The following CHD4 variants were observed in gnomAD, a reference collection of about 807,000 sequenced individuals.
CHD4 encodes the protein chromodomain helicase DNA binding protein 4.
Under a neutral mutation model 235.5 loss-of-function variants are expected in CHD4, and 35 were observed. That is an observed-to-expected ratio of 0.15 (90% CI 0.11 to 0.20). The LOEUF is 0.20. Among genes scored for constraint, CHD4 ranks in the 10% least tolerant of loss-of-function variants. CHD4 has a pLI of 1.00. For synonymous variants in CHD4, 900 were observed against 850.2 expected (o/e 1.06, Z -1.02); for missense variants, 1,329 against 2,432.3 (o/e 0.55, Z 9.54).
At chr12:6,579,693 G>C (rs1412913096) in intron 33 of CHD4, 1 of 150,316 alleles carries the variant, frequency 6.7e-6, no homozygotes, top group Non-Finnish European at 1.5e-5. Context: ...GGAGGTTGCA[G>C]TGAGCCAAGA....
At chr12:6,578,741 G>A (rs1948117127) in intron 34 of CHD4, 105 bp downstream of exon 34, 1 of 1,377,048 alleles carries the variant, frequency 7.3e-7, no homozygotes, top group African/African-American at 1.4e-5. Context: ...TTTATCTTGG[G>A]ATAAAATGGC....
At chr12:6,577,435 A>C (rs1466872693) in intron 37 of CHD4, among the ~76,000 whole-genome samples, 2 of 151,714 alleles carry the variant, frequency 1.3e-5, no homozygotes, top group Non-Finnish European at 2.9e-5. Context: ...AAAAAAAAAA[A>C]AAAACAACCA....
rs1948185107 is a variant in CHD4 at position 6,581,348 on chromosome 12, T to G, written c.4722A>C (p.Glu1574Asp). ...CCTCCTTTTCTCCTTCTATGCTCTC[T>G]TCTTCTTTGAGGCTATTTTCCTCTA... ...IKIEENSLKE[E>D]ESIEGEKEVK... Residue 1574 changes from glutamate to aspartate, a missense_variant, in exon 32 of 40, where the codon GAA becomes GAC. By Grantham distance (45) the Glu-to-Asp change is conservative (BLOSUM62 2). Coordinates refer to ENST00000544040, the MANE Select transcript of CHD4 (RefSeq NM_001273.5). 1.2e-6 allele frequency: 2 copies of G among 1,614,102 alleles called. No homozygotes were observed. The highest frequency in any genetic ancestry group is 2.7e-5 in the African/African-American group (2 of 74,938).
chr12:6,594,314 G>A, intron 15 of CHD4, 145 bp downstream of exon 15: 1 of 651,452 alleles, frequency 1.5e-6, no homozygotes, highest in South Asian at 2.0e-5. Context: ...CTAAACACAT[G>A]TGTACATGTG....
rs1948214610 is a variant in CHD4, at chr12:6,582,617, G to C, written c.4368C>G (p.Phe1456Leu). 1 of 1,610,428 alleles carries C rather than the reference G, an allele frequency of 6.2e-7. No homozygotes were observed. Among genetic ancestry groups the C allele is most frequent in the Non-Finnish European group, 8.5e-7 (1 of 1,177,922 alleles). The change falls in exon 29 of 40, where the codon TTC (phenylalanine) becomes TTG (leucine). Residue 1456 changes from phenylalanine to leucine, a missense_variant and splice_region_variant. This residue lies in a region of CHD4 where 48 missense variants were observed against 109.6 expected (regional missense o/e 0.44). Coordinates refer to ENST00000544040, the MANE Select transcript of CHD4 (RefSeq NM_001273.5). ...GTCCACTCCAGCCCTCAACTCACTT[G>C]AACTCTTTCTCTGATTTGCCTCGCA... is the stretch of plus-strand genomic sequence containing the variant. ...RDLRGKSEKE[F>L]KAYVSLFMRH...
At position 6,583,303 on chromosome 12, in the gene CHD4, G is replaced by A. The variant is rs1179022334; in HGVS notation, c.3955C>T (p.Arg1319Trp). 2 of 1,613,688 alleles carry A rather than the reference G, an allele frequency of 1.2e-6. No homozygotes were observed. Among genetic ancestry groups the A allele is most frequent in the Non-Finnish European group, 1.7e-6 (2 of 1,179,888 alleles). ...VDPDYWEKLL[R>W]HHYEQQQEDL... Reference sequence around the variant, plus strand: ...TCTTGCTGCTGCTCATAATGGTGCCGCAGCAATTTCTCCCAGTAGTCAGGA... The same window carrying A: ...TCTTGCTGCTGCTCATAATGGTGCCACAGCAATTTCTCCCAGTAGTCAGGA... The change falls in exon 26 of 40, where the codon CGG becomes TGG. Residue 1319 changes from arginine (R) to tryptophan (W), a missense_variant. Coordinates refer to ENST00000544040, the MANE Select transcript of CHD4 (RefSeq NM_001273.5).
chr12:6,584,262 G>A (rs1321365394), intron 25 of CHD4: 2 of 151,892 alleles, frequency 1.3e-5, no homozygotes, highest in Non-Finnish European at 2.9e-5. Flanking sequence ...ATATGTGTAT[G>A]AATATATGTA....
Position 6,570,607 on chromosome 12 carries a change from G to GAGAAGCTGGGACAAGAGAAAGTGAGGAA in CHD4, c.*41_*68dup. 3 of 1,591,726 alleles carry GAGAAGCTGGGACAAGAGAAAGTGAGGAA rather than the reference G, an allele frequency of 1.9e-6. No homozygotes were observed. The highest frequency in any genetic ancestry group is 1.7e-5 in the Admixed American group (1 of 59,864). ...GTGAGGGTCTCTCAGGCCCCCAGGG[G>GAGAAGCTGGGACAAGAGAAAGTGAGGAA]AGAAGCTGGGACAAGAGAAAGTGAG... On this transcript the variant is annotated 3_prime_UTR_variant, in exon 40 of 40. Transcript: ENST00000544040.
intron 12 of CHD4, among the ~76,000 whole-genome samples, chr12:6,596,344 A>T (rs754990738): frequency 6.6e-6 from 1 of 152,228 alleles, no homozygotes; most frequent in Non-Finnish European, 1.5e-5. Context: ...GAATTCAGTC[A>T]GTTAATAATT....
At position 6,598,022 on chromosome 12, in the gene CHD4, A is replaced by G. The variant is rs770674285; in HGVS notation, c.1764T>C (p.Phe588=). The G allele has an allele frequency of 6.2e-6, 10 of 1,614,048 alleles. No individual in the cohort carries two copies. Among genetic ancestry groups the G allele is most frequent in the Middle Eastern group, 1.6e-4 (1 of 6,084 alleles). ...TTCGGCTTTTCTCTTCATCACCACCAAAGTCCCCAGAAGGTGGCTCATCCA... is the reference window on the plus strand; with the variant it reads ...TTCGGCTTTTCTCTTCATCACCACCGAAGTCCCCAGAAGGTGGCTCATCCA... ...NDMDEPPSGD[F]GGDEEKSRKR... The change falls in exon 12 of 40, where the codon TTT becomes TTC. Residue 588 remains phenylalanine (F), a synonymous_variant. Transcript: ENST00000544040.
rs757248416 is a variant in CHD4 at position 6,572,975 on chromosome 12, C to A, written c.5557+99G>T. ...CCCTAGCACCTCCTAAACTCCCAGA[C>A]AAAGGAGCTCTGAAAGTTTGAAAAC... On this transcript the variant is annotated intron_variant, in intron 38 of 39. Transcript: ENST00000544040. 3.1e-5 allele frequency: 38 copies of A among 1,233,428 alleles called. No individual in the cohort carries two copies. The East Asian group carries it at 9.9e-4, about 32-fold the overall frequency. The allele number at this position is 1,233,428 out of a possible 1,614,324, so 76.4% of individuals were successfully genotyped here.
At chr12:6,577,417 CAAA>C (rs60910415) in intron 37 of CHD4, among the ~76,000 whole-genome samples, 978 of 87,310 alleles carry the variant, frequency 0.011, 13 homozygotes, top group African/African-American at 0.03. Context: ...GATTCTGCCT[CAAA>C]AAAAAAAAAA....
intron 37 of CHD4, among the ~76,000 whole-genome samples, chr12:6,574,643 G>A (rs1948037639): frequency 6.6e-6 from 1 of 152,184 alleles, no homozygotes; most frequent in Non-Finnish European, 1.5e-5. Flanking sequence ...CACTGGTTCT[G>A]ATCCCACTAG....
At position 6,606,374 on chromosome 12, in the gene CHD4, C is replaced by A. The variant is rs760254559; in HGVS notation, c.-1G>T. 6 of 1,569,134 alleles carry A rather than the reference C, an allele frequency of 3.8e-6. No homozygotes were observed. The Admixed American group carries it at 7.7e-5, about 20-fold the overall frequency. Reference sequence around the variant, plus strand: ...ACGGGGAGCCCAGGCCCGACGCCATCCCCTTCCGCTCCCGGCCAGGGAATT... The same window carrying A: ...ACGGGGAGCCCAGGCCCGACGCCATACCCTTCCGCTCCCGGCCAGGGAATT... On this transcript the variant is annotated 5_prime_UTR_variant, in exon 2 of 40. Transcript: ENST00000544040.
intron 38 of CHD4, 71 bp from the exon 39 acceptor site, chr12:6,571,103 GCCC>G: frequency 1.3e-6 from 2 of 1,547,714 alleles, no homozygotes; most frequent in Non-Finnish European, 1.8e-6. Flanking sequence ...TAGTGGACCA[GCCC>G]CCCATCACTT....
Position 6,593,120 on chromosome 12 carries a change from C to A in CHD4, c.2623G>T (p.Ala875Ser), listed in dbSNP as rs748435011. The A allele has an allele frequency of 6.2e-7, 1 of 1,614,194 alleles. No individual in the cohort carries two copies. The change falls in exon 17 of 40, where the codon GCC becomes TCC. Residue 875 changes from alanine (A) to serine (S), a missense_variant. Coordinates refer to ENST00000544040, the MANE Select transcript of CHD4 (RefSeq NM_001273.5). The surrounding 1 kb of genome is among the most constrained non-coding windows in gnomAD (Gnocchi z 4.9). ...GACTGATTGTTCTTCAGCCGATGGGCTTCATCCACGATGAGGCAGGCCCAA... is the reference window on the plus strand; with the variant it reads ...GACTGATTGTTCTTCAGCCGATGGGATTCATCCACGATGAGGCAGGCCCAA... ...IDWACLIVDEAHRLKNNQSKF... is the reference protein window; with the variant it reads ...IDWACLIVDESHRLKNNQSKF...
Position 6,606,451 on chromosome 12 carries a change from A to C in CHD4, c.-78T>G, listed in dbSNP as rs1466763056. The C allele has an allele frequency of 5.1e-6, 4 of 788,692 alleles. No individual in the cohort carries two copies. The Admixed American group carries it at 9.0e-5, about 18-fold the overall frequency. 48.9% of individuals were successfully genotyped at this position (788,692 alleles called of 1,614,324 possible). A position where few individuals can be genotyped will look rare whatever the true frequency, so the allele number is the denominator to read the frequency against. ...GAGGACCTCTACACTGGCCCGAGTC[A>C]CTGTGCGGGGGAGGGGGGAGAAACA... On this transcript the variant is annotated splice_region_variant and 5_prime_UTR_variant, in exon 2 of 40. Coordinates refer to ENST00000544040, the MANE Select transcript of CHD4 (RefSeq NM_001273.5).
chr12:6,597,788 A>G (rs1592279016), intron 12 of CHD4, 106 bp downstream of exon 12: 1 of 1,038,420 alleles, frequency 9.6e-7, no homozygotes, highest in Non-Finnish European at 1.5e-6. Flanking sequence ...AAACAAAAAA[A>G]ACCAGTGTCT....
chr12:6,601,563 G>A (rs781539379), intron 5 of CHD4, 33 bp from the exon 6 acceptor site: 21 of 1,613,084 alleles, frequency 1.3e-5, no homozygotes, highest in Admixed American at 3.3e-5. Context: ...CAGAGGGAAA[G>A]GTTTAAGAAT....
Sources: gnomAD v4.1 joint callset for allele counts (sites outside exome capture counted in the v4.1 genomes callset) on GRCh38, gnomAD v4.1.1 for gene constraint, gnomAD v4.1.1 regional missense constraint, Gnocchi (gnomAD v3.1) non-coding constraint, MANE v1.5 for transcripts, NCBI Gene and HGNC (gene_info 2026-07-23, HGNC 2026-07-21) for gene names.